The following MYOF variants were observed in gnomAD, a reference collection of about 807,000 sequenced individuals.
MYOF encodes myoferlin, also known as fer-1-like 3, myoferlin.
In MYOF, 244 loss-of-function variants were observed where a neutral mutation model predicts 284.2. That is an observed-to-expected ratio of 0.86 (90% confidence interval 0.77 to 0.95). MYOF has a LOEUF of 0.95. Among genes scored for constraint, MYOF ranks in the 40% least tolerant of loss-of-function variants. MYOF has a pLI of 0.00. For missense variants in MYOF, 2,496 were observed against 2,560.6 expected (o/e 0.97, Z 0.54); for synonymous variants, 904 against 919.7 (o/e 0.98, Z 0.31).
At position 93,386,673 on chromosome 10, in the gene MYOF, GA is replaced by G. The variant is rs749316368; in HGVS notation, c.1698+1123del. 8.3e-4 allele frequency among the ~76,000 whole-genome samples: 126 copies of G among 152,344 alleles called. No individual in the cohort carries two copies. The East Asian group carries it at 8.3e-3, about 10-fold the overall frequency. ...CAACATGTAAAGGCTGAGGAATCCA[GA>G]ACAGACTGCTTTGGATGCTAACCTC... On this transcript the variant is annotated intron_variant, in intron 19 of 53. Coordinates refer to ENST00000359263, the MANE Select transcript of MYOF (RefSeq NM_013451.4).
chr10:93,427,922 C>T (rs1245996571), intron 4 of MYOF, among the ~76,000 whole-genome samples: 5 of 152,028 alleles, frequency 3.3e-5, no homozygotes, highest in Non-Finnish European at 7.4e-5. Flanking sequence ...TAGGGGAAAT[C>T]GACATTGGGT....
chr10:93,317,796 T>C (rs11187382), intron 49 of MYOF, among the ~76,000 whole-genome samples: 40,824 of 152,186 alleles, frequency 0.27, 6,039 homozygotes, highest in Non-Finnish European at 0.34. Context: ...CTAAACATCT[T>C]TACAGCTCAG....
chr10:93,369,704 C>T lies in MYOF; in HGVS notation c.2530G>A (p.Ala844Thr). Residue 844 changes from alanine (A) to threonine (T), a missense_variant, in exon 25 of 54, where the codon GCT (alanine) becomes ACT (threonine). Transcript: ENST00000359263. The stretch of plus-strand genomic sequence containing the variant: ...AAGCTGTTAAACTTCTTCTCCACAG[C>T]ACTTAAGCCTAGCCAGATGTTCACT... ...LRVNIWLGLS[A>T]VEKKFNSFAE... is the part of the protein sequence containing the mutation. 1 of 1,614,216 alleles carries T rather than the reference C, an allele frequency of 6.2e-7. No individual in the cohort carries two copies.
intron 1 of MYOF, among the ~76,000 whole-genome samples, chr10:93,468,933 G>A (rs2057073121): frequency 6.6e-6 from 1 of 152,132 alleles, no homozygotes; most frequent in Non-Finnish European, 1.5e-5. Flanking sequence ...GAAGCAGTGG[G>A]AAAAAGCAAA....
chr10:93,390,070 A>G lies in MYOF; in HGVS notation c.1457-916T>C, dbSNP rs142766673. Among the ~76,000 whole-genome samples the G allele has an allele frequency of 4.8e-3, 728 of 152,372 alleles. 7 individuals carry two copies. The highest frequency in any genetic ancestry group is 0.017 in the African/African-American group (697 of 41,588). Reference sequence around the variant, plus strand: ...AATGTTGAGGCAAAGGCTTCAGCCTATCTTTCAGCATGTTCTCAGGATAAT... The same window carrying G: ...AATGTTGAGGCAAAGGCTTCAGCCTGTCTTTCAGCATGTTCTCAGGATAAT... On this transcript the variant is annotated intron_variant, in intron 17 of 53. Coordinates refer to ENST00000359263, the MANE Select transcript of MYOF (RefSeq NM_013451.4).
chr10:93,373,770 C>A (rs1174711623), intron 23 of MYOF, among the ~76,000 whole-genome samples: 6 of 152,212 alleles, frequency 3.9e-5, no homozygotes, highest in African/African-American at 1.2e-4. Flanking sequence ...CGTCTCCTTA[C>A]TTCCTCATTC....
At chr10:93,316,185 C>T (rs113402901) in intron 50 of MYOF, among the ~76,000 whole-genome samples, 85 of 151,950 alleles carry the variant, frequency 5.6e-4, no homozygotes, top group African/African-American at 2.0e-3. Flanking sequence ...TGTGACAAGA[C>T]CAGAGCCTGG....
At chr10:93,307,149 G>T in intron 53 of MYOF, 148 bp from the exon 54 acceptor site, 1 of 696,496 alleles carries the variant, frequency 1.4e-6, no homozygotes, top group Non-Finnish European at 2.3e-6. Context: ...AGGATGTTCA[G>T]CAGCTTTCAC....
intron 3 of MYOF, among the ~76,000 whole-genome samples, chr10:93,446,336 A>G (rs2056429073): frequency 1.3e-5 from 2 of 152,216 alleles, no homozygotes; most frequent in African/African-American, 2.4e-5. Flanking sequence ...CACTCCTTCA[A>G]GTAAGTCACT....
At position 93,460,778 on chromosome 10, in the gene MYOF, A is replaced by AG. The variant is rs1385873221; in HGVS notation, c.89-3842_89-3841insC. Among the ~76,000 whole-genome samples the AG allele has an allele frequency of 2.4e-4, 22 of 90,266 alleles. No individual in the cohort carries two copies. The South Asian group carries it at 3.8e-3, about 15-fold the overall frequency. The allele number at this position is 90,266 out of a possible 152,430, so 59.2% of individuals were successfully genotyped here. A position where few individuals can be genotyped will look rare whatever the true frequency, so the allele number is the denominator to read the frequency against. Reference sequence around the variant, plus strand: ...CAAGACCCCATCTCCAAAAAAAAAAAAAAAAAAGAAAGAAAAAGAAAAAAA... The same window carrying AG: ...CAAGACCCCATCTCCAAAAAAAAAAAGAAAAAAAGAAAGAAAAAGAAAAAAA... On this transcript the variant is annotated intron_variant, in intron 1 of 53. Transcript: ENST00000359263.
At position 93,374,897 on chromosome 10, in the gene MYOF, G is replaced by C; in HGVS notation, c.2167C>G (p.Arg723Gly). 1.2e-6 allele frequency: 2 copies of C among 1,614,100 alleles called. No homozygotes were observed. Among genetic ancestry groups the C allele is most frequent in the Non-Finnish European group, 1.7e-6 (2 of 1,179,998 alleles). Residue 723 changes from arginine (R) to glycine (G), a missense_variant, in exon 23 of 54, where the codon CGA becomes GGA. By Grantham distance (125) the Arg-to-Gly change is moderately radical. Around this residue, in one of 3 missense-constraint regions of MYOF, gnomAD observed 2,436 missense variants for 2,480.7 expected, o/e 0.98. Transcript: ENST00000359263. ...GAGAGAGACCTGGACCGCAGCTTTC[G>C]GATCTGAGTATCGAGAACTGTGACG... ...ANVTVLDTQI[R>G]KLRSRSLSQI... is the part of the protein sequence containing the mutation.
intron 1 of MYOF, among the ~76,000 whole-genome samples, chr10:93,457,413 A>G (rs1564734550): frequency 1.3e-5 from 2 of 152,336 alleles, no homozygotes; most frequent in South Asian, 4.1e-4. Context: ...CACAGCTTCA[A>G]TATTAAGCTG....
chr10:93,381,187 C>A (rs745381524), intron 20 of MYOF, 32 bp downstream of exon 20: 2 of 1,610,894 alleles, frequency 1.2e-6, no homozygotes, highest in African/African-American at 1.3e-5. Flanking sequence ...CCATTGTAAA[C>A]GTGTGGAGAG....
At chr10:93,350,224 A>C (rs1339521281) in intron 35 of MYOF, among the ~76,000 whole-genome samples, 1 of 152,292 alleles carries the variant, frequency 6.6e-6, no homozygotes, top group East Asian at 1.9e-4. Flanking sequence ...GTCAATGCTG[A>C]CAAGGTAACT....
At position 93,426,175 on chromosome 10, in the gene MYOF, CG is replaced by C. The variant is rs757290200; in HGVS notation, c.346-18del. 3.7e-4 allele frequency: 569 copies of C among 1,551,930 alleles called. 2 individuals carry two copies. Among genetic ancestry groups the C allele is most frequent in the Admixed American group, 1.5e-3 (77 of 51,090 alleles). ...AATGGTGGCCTGGGTAGAAATAATT[CG>C]TTGCAAATATTATCAGTGCAGGGCA... On this transcript the variant is annotated intron_variant, in intron 4 of 53. Transcript: ENST00000359263.
At chr10:93,341,300 A>C (rs1378664745) in intron 38 of MYOF, among the ~76,000 whole-genome samples, 1 of 149,978 alleles carries the variant, frequency 6.7e-6, no homozygotes, top group African/African-American at 2.4e-5. Context: ...TTTCAGACTA[A>C]GTTTTGCTCT....
chr10:93,437,103 T>A (rs1434172720), intron 3 of MYOF, among the ~76,000 whole-genome samples: 1 of 152,196 alleles, frequency 6.6e-6, no homozygotes, highest in Non-Finnish European at 1.5e-5. Context: ...CCCACGAATG[T>A]CATAGAGTTT....
At chr10:93,469,732 G>A (rs1401588758) in intron 1 of MYOF, among the ~76,000 whole-genome samples, 3 of 152,104 alleles carry the variant, frequency 2.0e-5, no homozygotes, top group East Asian at 3.9e-4. Context: ...ATTTGGATGC[G>A]ACCAAGACCA....
At chr10:93,337,700 G>T in intron 40 of MYOF, 115 bp downstream of exon 40, 1 of 772,992 alleles carries the variant, frequency 1.3e-6, no homozygotes, top group Non-Finnish European at 2.1e-6. Flanking sequence ...AGGTTTTCCT[G>T]GGCCCTGCTC....
Sources: allele counts gnomAD v4.1 joint callset (sites outside exome capture counted in the v4.1 genomes callset), GRCh38; gene constraint gnomAD v4.1.1; regional missense constraint gnomAD v4.1.1; transcripts MANE v1.5; gene names NCBI Gene and HGNC (gene_info 2026-07-23, HGNC 2026-07-21).